Variants in PDE3B observed in about 807,000 individuals in gnomAD.
PDE3B encodes cGMP-inhibited 3',5'-cyclic phosphodiesterase 3B.
In PDE3B, 66 loss-of-function variants were observed where a neutral mutation model predicts 116.8. The ratio of observed to expected loss-of-function variants is 0.56; its 90% CI spans 0.46 to 0.69. The LOEUF (loss-of-function observed/expected upper bound fraction) is 0.69. PDE3B is among the 30% of genes least tolerant of loss of function. The pLI is 0.00. For synonymous variants in PDE3B, 595 were observed against 533.6 expected (o/e 1.12, Z -1.59); for missense variants, 1,384 against 1,368.1 (o/e 1.01, Z -0.18).
downstream of PDE3B, among the ~76,000 whole-genome samples, chr11:14,875,951 T>C (rs545507315): frequency 6.6e-6 from 1 of 152,298 alleles, no homozygotes; most frequent in African/African-American, 2.4e-5. Context: ...GCAATGAAAA[T>C]AGCATGATCT....
chr11:14,665,616 C>T (rs1043387604), intron 1 of PDE3B, among the ~76,000 whole-genome samples: 5 of 152,146 alleles, frequency 3.3e-5, no homozygotes, highest in African/African-American at 4.8e-5. Flanking sequence ...CATTCTTATA[C>T]ACCAATAACA....
chr11:14,845,914 T>C (rs951694292), intron 12 of PDE3B, among the ~76,000 whole-genome samples: 3 of 152,162 alleles, frequency 2.0e-5, no homozygotes, highest in Non-Finnish European at 4.4e-5. Flanking sequence ...GAAAACACTC[T>C]GTAGGATATT....
intron 1 of PDE3B, among the ~76,000 whole-genome samples, chr11:14,676,372 A>G (rs1854531947): frequency 6.6e-6 from 1 of 152,090 alleles, no homozygotes; most frequent in Non-Finnish European, 1.5e-5. Flanking sequence ...TAAGATACAA[A>G]CCTGTACAGC....
At chr11:14,793,164 T>G (rs1313139302) in intron 4 of PDE3B, among the ~76,000 whole-genome samples, 1 of 152,158 alleles carries the variant, frequency 6.6e-6, no homozygotes, top group Non-Finnish European at 1.5e-5. Context: ...CAGGAAAGGT[T>G]GTTTTCTGGA....
chr11:14,771,757 T>A (rs547753571), intron 1 of PDE3B, among the ~76,000 whole-genome samples, 180 bp from the exon 2 acceptor site: 1 of 151,874 alleles, frequency 6.6e-6, no homozygotes, highest in Non-Finnish European at 1.5e-5. Flanking sequence ...TTTTGATTTC[T>A]CAATTATAGA....
chr11:14,844,922 A>G (rs1847562197), intron 12 of PDE3B, among the ~76,000 whole-genome samples: 2 of 152,236 alleles, frequency 1.3e-5, no homozygotes, highest in Non-Finnish European at 2.9e-5. Flanking sequence ...ACAGACAAAC[A>G]AAAAGACAGC....
chr11:14,705,824 A>G (rs1215356055), intron 1 of PDE3B, among the ~76,000 whole-genome samples: 1 of 151,776 alleles, frequency 6.6e-6, no homozygotes, highest in Non-Finnish European at 1.5e-5. Context: ...CTTTAATTGA[A>G]TATTGATATA....
rs954009871 is a variant in PDE3B, at chr11:14,808,788, C to A, written c.1522+4738C>A. 1.2e-4 allele frequency among the ~76,000 whole-genome samples: 18 copies of A among 152,072 alleles called. 1 individual carries two copies. Among genetic ancestry groups the A allele is most frequent in the Admixed American group, 1.0e-3 (16 of 15,264 alleles). ...TGTTTACAGTTAGCATTGAAAAAAT[C>A]TTTGAAATAAATTTAGCAAAATAGT... is the stretch of plus-strand genomic sequence containing the variant. On this transcript the variant is annotated intron_variant, in intron 5 of 15. Transcript: ENST00000282096.
At chr11:14,727,451 T>C (rs1856340654) in intron 1 of PDE3B, among the ~76,000 whole-genome samples, 1 of 152,094 alleles carries the variant, frequency 6.6e-6, no homozygotes, top group Non-Finnish European at 1.5e-5. Flanking sequence ...ACAGGTATGA[T>C]TGTAGAGCTT....
intron 7 of PDE3B, among the ~76,000 whole-genome samples, chr11:14,826,835 C>CTGATACCAA (rs1329280567): frequency 3.3e-5 from 5 of 152,056 alleles, no homozygotes; most frequent in South Asian, 2.1e-4. Flanking sequence ...CAGCATCATT[C>CTGATACCAA]TGATACCAAA....
At chr11:14,857,427 C>T (rs1451150730) in intron 12 of PDE3B, among the ~76,000 whole-genome samples, 1 of 152,196 alleles carries the variant, frequency 6.6e-6, no homozygotes, top group Non-Finnish European at 1.5e-5. Flanking sequence ...TTCCTACTTA[C>T]TGCTTCATGA....
chr11:14,675,770 C>T (rs1331503840), intron 1 of PDE3B, among the ~76,000 whole-genome samples: 4 of 152,074 alleles, frequency 2.6e-5, no homozygotes, highest in Admixed American at 2.0e-4. Context: ...TATTCTGTCA[C>T]AATTTGTTTA....
intron 4 of PDE3B, among the ~76,000 whole-genome samples, chr11:14,794,475 A>G (rs369149602): frequency 2.0e-5 from 3 of 152,036 alleles, no homozygotes; most frequent in African/African-American, 7.2e-5. Flanking sequence ...CACCATGCCC[A>G]GCTAATTTTT....
rs371123464 is a variant in PDE3B at position 14,644,230 on chromosome 11, G to A, written c.155G>A (p.Cys52Tyr). 114 of 1,586,810 alleles carry A rather than the reference G, an allele frequency of 7.2e-5. No individual in the cohort carries two copies. Among genetic ancestry groups the A allele is most frequent in the Non-Finnish European group, 9.5e-5 (112 of 1,173,552 alleles). ...DPPRGFFFHL[C>Y]RFCNVELRPP... ...CCGCGCGGCTTCTTCTTCCACCTCT[G>A]CCGCTTCTGCAACGTGGAGCTGCGG... Residue 52 changes from cysteine (C) to tyrosine (Y), a missense_variant, in exon 1 of 16, where the codon TGC becomes TAC. This residue lies in a region of PDE3B where 956 missense variants were observed against 806.8 expected (regional missense o/e 1.18). Coordinates refer to ENST00000282096, the MANE Select transcript of PDE3B (RefSeq NM_000922.4).
In PDE3B at chr11:14,871,260, G is replaced by A. The variant is rs1342235618; in HGVS notation, c.*1600G>A. 17 of 152,094 alleles carry A rather than the reference G, an allele frequency of 1.1e-4. No individual in the cohort carries two copies. The highest frequency in any genetic ancestry group is 2.2e-4 in the African/African-American group (9 of 41,432). 9.4% of individuals were successfully genotyped at this position (152,094 alleles called of 1,614,324 possible). ...AATCACTAAGCTTTATTTATTAGACGTGTTGAGTGAGTGCTGAGTTCCTTG... is the reference window on the plus strand; with the variant it reads ...AATCACTAAGCTTTATTTATTAGACATGTTGAGTGAGTGCTGAGTTCCTTG... On this transcript the variant is annotated 3_prime_UTR_variant, in exon 16 of 16. Transcript: ENST00000282096.
At position 14,835,224 on chromosome 11, in the gene PDE3B, C is replaced by T. The variant is rs528538288; in HGVS notation, c.2320+129C>T. 237 of 549,172 alleles carry T rather than the reference C, an allele frequency of 4.3e-4. 1 individual carries two copies. The highest frequency in any genetic ancestry group is 2.0e-3 in the South Asian group (68 of 34,178). The allele number at this position is 549,172 out of a possible 1,614,324, so 34.0% of individuals were successfully genotyped here. On this transcript the variant is annotated intron_variant, in intron 11 of 15. Transcript: ENST00000282096. The stretch of plus-strand genomic sequence containing the variant: ...TTTAGTACATACGAAGGACTGTGTA[C>T]GTTTTTTTAACCACTTATCCCCAAG...
At chr11:14,847,998 A>G (rs1847649869) in intron 12 of PDE3B, among the ~76,000 whole-genome samples, 1 of 152,158 alleles carries the variant, frequency 6.6e-6, no homozygotes, top group South Asian at 2.1e-4. Flanking sequence ...TGAGGCCAGC[A>G]TCATCCTGAT....
At position 14,780,740 on chromosome 11, in the gene PDE3B, A is replaced by G. The variant is rs1229675455; in HGVS notation, c.1030-5697A>G. ...AAAGATCTAAAATTGACACCCTAAT[A>G]TCACAATTAAAAGAACAAGAGAAGC... is the stretch of plus-strand genomic sequence containing the variant. On this transcript the variant is annotated intron_variant, in intron 2 of 15. Coordinates refer to ENST00000282096, the MANE Select transcript of PDE3B (RefSeq NM_000922.4). Among the ~76,000 whole-genome samples, 4 of 152,200 alleles carry G rather than the reference A, an allele frequency of 2.6e-5. No individual in the cohort carries two copies. The East Asian group carries it at 7.7e-4, about 29-fold the overall frequency.
At chr11:14,808,551 G>T (rs1859022905) in intron 5 of PDE3B, among the ~76,000 whole-genome samples, 1 of 152,168 alleles carries the variant, frequency 6.6e-6, no homozygotes. Context: ...TGGATTAGAG[G>T]TTCTAGCCAG....
Sources: allele counts gnomAD v4.1 joint callset (sites outside exome capture counted in the v4.1 genomes callset), GRCh38; gene constraint gnomAD v4.1.1; regional missense constraint gnomAD v4.1.1; transcripts MANE v1.5; gene names NCBI Gene and HGNC (gene_info 2026-07-23, HGNC 2026-07-21).